EYS: variants seen among roughly 807,000 people sequenced by gnomAD.
The protein encoded by EYS is EGF-like photoreceptor maintenance factor, also known as protein eyes shut homolog.
Under a neutral mutation model 282.1 loss-of-function variants are expected in EYS, and 250 were observed. The observed-to-expected ratio is 0.89, with a 90% CI of 0.80 to 0.98. The LOEUF is 0.98. Ranked by LOEUF, EYS falls within the 50% of genes least tolerant of loss-of-function variation. EYS has a pLI of 0.00. For missense variants in EYS, 4,016 were observed against 3,709.0 expected, an observed-to-expected ratio of 1.08 and a Z score of -2.15; for synonymous variants, 1,355 against 1,282.9, an observed-to-expected ratio of 1.06 and a Z score of -1.20.
intron 7 of EYS, among the ~76,000 whole-genome samples, chr6:65,390,754 T>C (rs1765996532): frequency 6.6e-6 from 1 of 151,730 alleles, no homozygotes. Flanking sequence ...GCCAGGTGAA[T>C]AGCCCCAGCT....
chr6:64,692,649 G>A (rs765493789), intron 22 of EYS, among the ~76,000 whole-genome samples: 21 of 151,670 alleles, frequency 1.4e-4, no homozygotes, highest in Admixed American at 2.0e-4. Flanking sequence ...AGAACTATTA[G>A]CAGAGGTAAT....
At chr6:63,790,879 C>T (rs1033641669) in intron 37 of EYS, among the ~76,000 whole-genome samples, 12 of 152,146 alleles carry the variant, frequency 7.9e-5, no homozygotes, top group Admixed American at 5.9e-4. Context: ...TTGTGCCAGC[C>T]GAGCTGTAAG....
intron 2 of EYS, among the ~76,000 whole-genome samples, chr6:65,593,492 T>C (rs1338445434): frequency 1.3e-5 from 2 of 152,028 alleles, no homozygotes; most frequent in Admixed American, 1.3e-4. Context: ...AGTAAATACA[T>C]GAAAGCTGAC....
chr6:64,000,171 T>TCAG (rs1163342304), intron 33 of EYS, among the ~76,000 whole-genome samples: 12,928 of 48,232 alleles, frequency 0.27, 1,306 homozygotes, highest in African/African-American at 0.32. Flanking sequence ...CATGGGACTT[T>TCAG]TTTTTTTTTT....
chr6:64,502,008 A>T (rs1777061629), intron 26 of EYS, among the ~76,000 whole-genome samples: 1 of 152,218 alleles, frequency 6.6e-6, no homozygotes. Flanking sequence ...TAGTGATAAT[A>T]TAACACCGAT....
chr6:64,136,903 A>G (rs2150285342), intron 31 of EYS, among the ~76,000 whole-genome samples: 1 of 152,276 alleles, frequency 6.6e-6, no homozygotes, highest in African/African-American at 2.4e-5. Context: ...CCCTAACAAG[A>G]AAGTCAGCCT....
intron 26 of EYS, among the ~76,000 whole-genome samples, chr6:64,460,324 TAAAA>T (rs1333900271): frequency 6.6e-6 from 1 of 152,220 alleles, no homozygotes; most frequent in Non-Finnish European, 1.5e-5. Context: ...TAACAAGATC[TAAAA>T]GTTGATCACT....
chr6:65,100,690 T>A (rs1246321438), intron 12 of EYS, among the ~76,000 whole-genome samples: 1 of 150,782 alleles, frequency 6.6e-6, no homozygotes, highest in East Asian at 1.9e-4. Flanking sequence ...CAAGGTCATA[T>A]GGTTGTTCAG....
At chr6:64,918,853 T>A (rs1340172548) in intron 15 of EYS, among the ~76,000 whole-genome samples, 1 of 152,204 alleles carries the variant, frequency 6.6e-6, no homozygotes, top group Non-Finnish European at 1.5e-5. Context: ...TCAGATGCTG[T>A]CCTGCATGTA....
intron 24 of EYS, among the ~76,000 whole-genome samples, chr6:64,600,076 A>G (rs570257122): frequency 1.1e-4 from 16 of 152,176 alleles, no homozygotes; most frequent in African/African-American, 3.9e-4. Flanking sequence ...CTTATTTTCT[A>G]CAAGAAATAA....
chr6:64,902,294 G>A (rs1051041066), intron 17 of EYS, 74 bp from the exon 18 acceptor site: 5 of 1,329,554 alleles, frequency 3.8e-6, no homozygotes, highest in Non-Finnish European at 3.1e-6. Context: ...TTGTAGCATG[G>A]CAAGTTTTTA....
At chr6:64,815,283 C>G in intron 21 of EYS, 1 of 403,688 alleles carries the variant, frequency 2.5e-6, no homozygotes, top group South Asian at 1.8e-5. Context: ...GTAGGTATTG[C>G]AGTTTTATTT....
chr6:64,133,899 A>G (rs1774074280), intron 31 of EYS, among the ~76,000 whole-genome samples: 1 of 151,392 alleles, frequency 6.6e-6, no homozygotes, highest in Non-Finnish European at 1.5e-5. Context: ...CTAAAGGATG[A>G]CTGGGGTGAG....
chr6:65,025,976 C>T (rs1182709148), intron 13 of EYS, among the ~76,000 whole-genome samples: 1 of 152,120 alleles, frequency 6.6e-6, no homozygotes, highest in East Asian at 1.9e-4. Context: ...TACAAAATTC[C>T]TAATAAACTG....
chr6:63,956,886 T>C (rs754784960), intron 35 of EYS, among the ~76,000 whole-genome samples: 5 of 152,174 alleles, frequency 3.3e-5, no homozygotes, highest in Non-Finnish European at 7.4e-5. Flanking sequence ...ACAACAGTGG[T>C]CTCCAATACA....
At chr6:64,951,088 A>C (rs1332110575) in intron 14 of EYS, among the ~76,000 whole-genome samples, 1 of 151,614 alleles carries the variant, frequency 6.6e-6, no homozygotes, top group African/African-American at 2.4e-5. Context: ...AGAAGAACAG[A>C]GAAGTGAGCC....
At chr6:65,190,344 A>T (rs570516330) in intron 12 of EYS, among the ~76,000 whole-genome samples, 1 of 149,030 alleles carries the variant, frequency 6.7e-6, no homozygotes, top group African/African-American at 2.4e-5. Context: ...TTTATATGAA[A>T]TATATGTAAT....
At chr6:64,378,063 TTGAATGAGTGCA>T (rs1181867579) in intron 29 of EYS, 1 of 152,194 alleles carries the variant, frequency 6.6e-6, no homozygotes, top group African/African-American at 2.4e-5. Flanking sequence ...TGCTTACTTG[TTGAATGAGTGCA>T]TGAATGTCCT....
intron 30 of EYS, among the ~76,000 whole-genome samples, chr6:64,292,060 T>A (rs1209363731): frequency 6.6e-6 from 1 of 152,150 alleles, no homozygotes; most frequent in African/African-American, 2.4e-5. Context: ...AGAGGTTAAG[T>A]AATTTTCCTA....
Sources: gnomAD v4.1 joint callset for allele counts (sites outside exome capture counted in the v4.1 genomes callset) on GRCh38, gnomAD v4.1.1 for gene constraint, MANE v1.5 for transcripts, NCBI Gene and HGNC (gene_info 2026-07-23, HGNC 2026-07-21) for gene names.